The following RBFOX1 variants were observed in gnomAD, a reference collection of about 807,000 sequenced individuals.
RBFOX1 encodes the protein RNA binding fox-1 homolog 1.
In RBFOX1, 8 loss-of-function variants were observed where a neutral mutation model predicts 57.7. The ratio of observed to expected loss-of-function variants is 0.14; its 90% CI spans 0.08 to 0.25. The LOEUF is 0.25. Ranked by LOEUF, RBFOX1 falls within the 10% of genes least tolerant of loss-of-function variation. The pLI is 1.00. For missense variants in RBFOX1, 611 were observed against 548.5 expected, an observed-to-expected ratio of 1.11 and a Z score of -1.14; for synonymous variants, 326 against 222.4, an observed-to-expected ratio of 1.47 and a Z score of -4.15.
chr16:6,837,942 C>G (rs1005921684), intron 3 of RBFOX1, among the ~76,000 whole-genome samples: 4 of 151,846 alleles, frequency 2.6e-5, no homozygotes, highest in Admixed American at 2.0e-4. Context: ...AAGTTACCAC[C>G]TCTTTCCATG....
In RBFOX1 at chr16:6,728,306, T is replaced by C. The variant is rs116095791; in HGVS notation, c.-16+73656T>C. ...GAAATACAAGGTTGCAGTTTACTTA[T>C]CAAATAGTGAAAAACGTAACTTGAG... On this transcript the variant is annotated intron_variant, in intron 3 of 15. Coordinates refer to ENST00000550418, the MANE Select transcript of RBFOX1 (RefSeq NM_018723.4). 6.8e-3 allele frequency among the ~76,000 whole-genome samples: 1,038 copies of C among 152,284 alleles called. 19 individuals are homozygous for C. The highest frequency in any genetic ancestry group is 0.024 in the African/African-American group (988 of 41,560).
chr16:6,831,851 C>G (rs750241033), intron 3 of RBFOX1, among the ~76,000 whole-genome samples: 1 of 152,072 alleles, frequency 6.6e-6, no homozygotes, highest in Admixed American at 6.5e-5. Flanking sequence ...GCTGTGAATG[C>G]TAGGGAGCAT....
chr16:5,943,177 GCTT>G (rs1360764547), intron 4 of RBFOX1, among the ~76,000 whole-genome samples: 1 of 152,158 alleles, frequency 6.6e-6, no homozygotes, highest in Non-Finnish European at 1.5e-5. Context: ...CCAAGCCAGT[GCTT>G]CTAGGTGTAG....
chr16:7,037,289 G>A (rs1048600346), intron 3 of RBFOX1, among the ~76,000 whole-genome samples: 16 of 140,810 alleles, frequency 1.1e-4, no homozygotes, highest in African/African-American at 4.1e-4. Context: ...GCCCAGGCTG[G>A]AGTGTGCACC....
chr16:5,342,218 C>A (rs370453616), intron 1 of RBFOX1, among the ~76,000 whole-genome samples: 1 of 152,148 alleles, frequency 6.6e-6, no homozygotes, highest in African/African-American at 2.4e-5. Context: ...GGGTGACCAC[C>A]AGTTCCAAAG....
At chr16:6,511,262 A>G (rs1404487881) in intron 2 of RBFOX1, among the ~76,000 whole-genome samples, 1 of 152,302 alleles carries the variant, frequency 6.6e-6, no homozygotes, top group East Asian at 1.9e-4. Flanking sequence ...AGGGGTTCAC[A>G]GGAAATAGGG....
intron 2 of RBFOX1, among the ~76,000 whole-genome samples, chr16:6,512,025 C>G (rs1268644610): frequency 6.6e-6 from 1 of 151,920 alleles, no homozygotes; most frequent in Non-Finnish European, 1.5e-5. Context: ...AATCCAAGCC[C>G]TCTGAGAGGC....
intron 3 of RBFOX1, among the ~76,000 whole-genome samples, chr16:5,609,816 T>A (rs1251349578): frequency 6.6e-6 from 1 of 151,172 alleles, no homozygotes; most frequent in Non-Finnish European, 1.5e-5. Flanking sequence ...AGAGCACTGT[T>A]CTAGGAGCTG....
At chr16:6,556,274 G>C (rs1473693083) in intron 2 of RBFOX1, among the ~76,000 whole-genome samples, 1 of 152,118 alleles carries the variant, frequency 6.6e-6, no homozygotes, top group East Asian at 1.9e-4. Context: ...AGGCATCTTT[G>C]TCAGTCAGGG....
At chr16:5,495,631 C>T (rs750037885) in intron 2 of RBFOX1, among the ~76,000 whole-genome samples, 4 of 152,198 alleles carry the variant, frequency 2.6e-5, no homozygotes, top group Non-Finnish European at 5.9e-5. Flanking sequence ...CAACGGGACC[C>T]AACATGGTGC....
intron 4 of RBFOX1, among the ~76,000 whole-genome samples, chr16:7,511,620 CT>C (rs377462882): frequency 2.6e-4 from 38 of 148,950 alleles, no homozygotes; most frequent in African/African-American, 5.9e-4. Flanking sequence ...ATTGAAATGA[CT>C]TTTTTTTTTG....
At chr16:6,387,340 C>A (rs975879611) in intron 2 of RBFOX1, among the ~76,000 whole-genome samples, 1 of 152,052 alleles carries the variant, frequency 6.6e-6, no homozygotes, top group African/African-American at 2.4e-5. Context: ...GAGCACTCAG[C>A]GCCTGCTGTT....
chr16:7,067,243 G>T (rs1476752313), intron 4 of RBFOX1, among the ~76,000 whole-genome samples: 2 of 152,058 alleles, frequency 1.3e-5, no homozygotes, highest in African/African-American at 4.8e-5. Context: ...GAAATTATTA[G>T]TTCAGAGTTG....
intron 1 of RBFOX1, among the ~76,000 whole-genome samples, chr16:5,430,078 G>C (rs1490732009): frequency 1.3e-5 from 2 of 152,212 alleles, no homozygotes; most frequent in Non-Finnish European, 2.9e-5. Flanking sequence ...TCATCAGTAA[G>C]TATTTATTGA....
intron 3 of RBFOX1, among the ~76,000 whole-genome samples, chr16:7,014,809 C>A (rs771702165): frequency 1.3e-5 from 2 of 152,126 alleles, no homozygotes; most frequent in Non-Finnish European, 2.9e-5. Flanking sequence ...ACTGCAACCT[C>A]CGTCTCCAGG....
At chr16:7,589,816 G>C (rs2094339188) in intron 7 of RBFOX1, among the ~76,000 whole-genome samples, 1 of 152,022 alleles carries the variant, frequency 6.6e-6, no homozygotes. Flanking sequence ...CAGGAAATGA[G>C]TGGGCCCTTA....
Position 6,446,793 on chromosome 16 carries a change from A to G in RBFOX1, c.-64+129736A>G, listed in dbSNP as rs193150612. ...CTGCATTATAATAAGGGCTGAAAGA[A>G]AACCAAAGAGAGAGGTGTCCTGATG... On this transcript the variant is annotated intron_variant, in intron 2 of 15. Transcript: ENST00000550418. Among the ~76,000 whole-genome samples, 515 of 152,300 alleles carry G rather than the reference A, an allele frequency of 3.4e-3. 3 individuals are homozygous for G. The highest frequency in any genetic ancestry group is 0.012 in the African/African-American group (481 of 41,570).
At chr16:5,732,560 G>T (rs1016052591) in intron 3 of RBFOX1, among the ~76,000 whole-genome samples, 2 of 152,186 alleles carry the variant, frequency 1.3e-5, no homozygotes, top group Non-Finnish European at 1.5e-5. Context: ...GCAGACGATG[G>T]TTAGAATTCT....
intron 4 of RBFOX1, among the ~76,000 whole-genome samples, chr16:5,988,921 G>A (rs568201874): frequency 2.6e-5 from 4 of 152,164 alleles, no homozygotes; most frequent in African/African-American, 9.6e-5. Context: ...GCTTTAGATG[G>A]GCATGCTCCA....
Sources: gnomAD v4.1 joint callset for allele counts (sites outside exome capture counted in the v4.1 genomes callset) on GRCh38, gnomAD v4.1.1 for gene constraint, MANE v1.5 for transcripts, NCBI Gene and HGNC (gene_info 2026-07-23, HGNC 2026-07-21) for gene names.